Variants in CD81 observed in about 807,000 individuals in gnomAD.
CD81 encodes the protein CD81 antigen.
CD81 carries 10 observed loss-of-function variants against 30.1 expected under a neutral mutation model. The observed-to-expected ratio is 0.33, with a 90% CI of 0.21 to 0.56. CD81 has a LOEUF of 0.56. Among genes scored for constraint, CD81 ranks in the 20% least tolerant of loss-of-function variants. The pLI is 0.89. For synonymous variants in CD81, 147 were observed against 126.4 expected (o/e 1.16, Z -1.10); for missense variants, 263 against 308.7 (o/e 0.85, Z 1.11).
At chr11:2,385,583 C>T (rs11022554) in intron 1 of CD81, 3,506 of 241,868 alleles carry the variant, frequency 0.014, 136 homozygotes, top group African/African-American at 0.12. Flanking sequence ...GTGGCGTGCC[C>T]GTCGTCTGTG....
intron 2 of CD81, 108 bp from the exon 3 acceptor site, chr11:2,393,987 C>T (rs749158217): frequency 1.2e-6 from 1 of 828,118 alleles, no homozygotes; most frequent in South Asian, 1.4e-5. Context: ...AGCAACCCTA[C>T]ATCTTCCCAG....
chr11:2,380,370 C>G (rs1849683446), intron 1 of CD81, among the ~76,000 whole-genome samples: 1 of 151,908 alleles, frequency 6.6e-6, no homozygotes, highest in South Asian at 2.1e-4. Flanking sequence ...GTAGCCTGAC[C>G]TCTTTCCCAG....
At chr11:2,386,756 C>T in intron 1 of CD81, 2 of 662,502 alleles carry the variant, frequency 3.0e-6, no homozygotes, top group South Asian at 3.1e-5. Flanking sequence ...TGGCGTCACC[C>T]CCATTTCCGG....
At chr11:2,379,868 G>A (rs1849675698) in intron 1 of CD81, among the ~76,000 whole-genome samples, 1 of 152,176 alleles carries the variant, frequency 6.6e-6, no homozygotes, top group South Asian at 2.1e-4. Flanking sequence ...GCTGGGTGAG[G>A]TGGGGTTGGT....
chr11:2,394,488 G>C (rs1295228696), intron 3 of CD81, among the ~76,000 whole-genome samples: 1 of 152,234 alleles, frequency 6.6e-6, no homozygotes, highest in Non-Finnish European at 1.5e-5. Context: ...GCCCCCTGTG[G>C]GAAGCCCAGG....
intron 2 of CD81, 126 bp downstream of exon 2, chr11:2,390,652 G>A (rs903639397): frequency 3.6e-5 from 27 of 749,142 alleles, no homozygotes; most frequent in Admixed American, 1.8e-4. Flanking sequence ...GCAGGGAGGC[G>A]GCCCTGGAAA....
At chr11:2,380,050 G>A (rs1023011058) in intron 1 of CD81, among the ~76,000 whole-genome samples, 4 of 152,204 alleles carry the variant, frequency 2.6e-5, no homozygotes, top group Non-Finnish European at 5.9e-5. Flanking sequence ...ACCTCCTGGT[G>A]GTGTTGGTGG....
chr11:2,388,361 C>CG lies in CD81; in HGVS notation c.67-2045dup, dbSNP rs374920163. 6.3e-3 allele frequency among the ~76,000 whole-genome samples: 962 copies of CG among 152,290 alleles called. 13 individuals are homozygous for CG. Among genetic ancestry groups the CG allele is most frequent in the African/African-American group, 0.022 (914 of 41,568 alleles). ...GCCCTAGACCCTAGACCGGCCTGAC[C>CG]GGGGGGTCCTCAGGCCGGGGACTTG... is the stretch of plus-strand genomic sequence containing the variant. On this transcript the variant is annotated intron_variant, in intron 1 of 7. Transcript: ENST00000263645.
At chr11:2,392,711 T>G (rs1428766677) in intron 2 of CD81, 1 of 152,496 alleles carries the variant, frequency 6.6e-6, no homozygotes, top group East Asian at 1.9e-4. Flanking sequence ...CAAGGGCTTT[T>G]TTTCCTGCGC....
In CD81 at chr11:2,394,090, G is replaced by A. The variant is rs562261414; in HGVS notation, c.182-5G>A. On this transcript the variant is annotated splice_polypyrimidine_tract_variant and splice_region_variant and intron_variant, in intron 2 of 7. Coordinates refer to ENST00000263645, the MANE Select transcript of CD81 (RefSeq NM_004356.4). ...GCACCCACCTGGTGTCTCTCTCCCC[G>A]CAAGGCATCTACATCCTCATCGCTG... The A allele has an allele frequency of 2.5e-5, 41 of 1,610,494 alleles. No homozygotes were observed. The East Asian group carries it at 3.6e-4, about 14-fold the overall frequency.
At chr11:2,390,028 G>A in intron 1 of CD81, 1 of 363,178 alleles carries the variant, frequency 2.8e-6, no homozygotes, top group Non-Finnish European at 5.4e-6. Context: ...AATTCACCTT[G>A]AACTTCAGAT....
Position 2,395,866 on chromosome 11 carries a change from C to T in CD81, c.460-3C>T, listed in dbSNP as rs1849990410. The T allele has an allele frequency of 6.2e-7, 1 of 1,606,584 alleles. No homozygotes were observed. The highest frequency in any genetic ancestry group is 1.7e-4 in the Middle Eastern group (1 of 6,058). On this transcript the variant is annotated splice_region_variant and splice_polypyrimidine_tract_variant and intron_variant, in intron 5 of 7. Coordinates refer to ENST00000263645, the MANE Select transcript of CD81 (RefSeq NM_004356.4). ...GCTGACCTTGCACCCCTGCTCTCTG[C>T]AGCTTGACTGCTGTGGCTCCAGCAC...
At chr11:2,388,037 C>CA (rs1849827493) in intron 1 of CD81, among the ~76,000 whole-genome samples, 1 of 152,146 alleles carries the variant, frequency 6.6e-6, no homozygotes, top group Admixed American at 6.5e-5. Flanking sequence ...CTGGCACCAG[C>CA]AGCCCCTATG....
At chr11:2,394,416 C>T (rs1388733114) in intron 3 of CD81, among the ~76,000 whole-genome samples, 1 of 152,226 alleles carries the variant, frequency 6.6e-6, no homozygotes, top group East Asian at 1.9e-4. Context: ...CAAAAAATAG[C>T]CACAAATATA....
intron 2 of CD81, chr11:2,391,196 G>C (rs1474803807): frequency 6.1e-6 from 1 of 164,122 alleles, no homozygotes; most frequent in East Asian, 1.7e-4. Context: ...GGTGCTGGTG[G>C]GGCTCTGGGA....
rs543075008 is a variant in CD81, at chr11:2,381,333, G to A, written c.66+3718G>A. 5.9e-5 allele frequency among the ~76,000 whole-genome samples: 9 copies of A among 152,380 alleles called. No individual in the cohort carries two copies. The South Asian group carries it at 1.2e-3, about 21-fold the overall frequency. On this transcript the variant is annotated intron_variant, in intron 1 of 7. Coordinates refer to ENST00000263645, the MANE Select transcript of CD81 (RefSeq NM_004356.4). ...CTGTGGCTCTGCCGGGTGCTGACAA[G>A]TCACTCGCCCTCCCTGCGGTCACCA... is the stretch of plus-strand genomic sequence containing the variant.
chr11:2,396,724 CG>C lies in CD81; in HGVS notation c.648+15del. ...GGTCGCTGTGATCATGGTGAGCGGG[CG>C]GGGGCGGAGGGCCTGCTCTCTGGGC... On this transcript the variant is annotated intron_variant, in intron 7 of 7. Transcript: ENST00000263645. 1.2e-6 allele frequency: 2 copies of C among 1,611,284 alleles called. No individual in the cohort carries two copies.
Position 2,395,066 on chromosome 11 carries a change from G to C in CD81, c.354+20G>C, listed in dbSNP as rs1286638088. The C allele has an allele frequency of 1.3e-6, 2 of 1,558,860 alleles. No homozygotes were observed. The highest frequency in any genetic ancestry group is 1.4e-5 in the African/African-American group (1 of 73,588). The stretch of plus-strand genomic sequence containing the variant: ...GACCAGGTGAGCCTGGGTGTGCAGG[G>C]ACAGGGTGGGGTGGGTGACGGGGGC... On this transcript the variant is annotated intron_variant, in intron 4 of 7. Coordinates refer to ENST00000263645, the MANE Select transcript of CD81 (RefSeq NM_004356.4).
intron 1 of CD81, among the ~76,000 whole-genome samples, chr11:2,384,079 A>G (rs1366044650): frequency 1.3e-5 from 2 of 152,196 alleles, no homozygotes; most frequent in African/African-American, 2.4e-5. Context: ...GCAGGAACCC[A>G]GTGTGCTTGG....
Sources: allele counts gnomAD v4.1 joint callset (sites outside exome capture counted in the v4.1 genomes callset), GRCh38; gene constraint gnomAD v4.1.1; transcripts MANE v1.5; gene names NCBI Gene and HGNC (gene_info 2026-07-23, HGNC 2026-07-21).